Variants in TRDN observed in about 807,000 individuals in gnomAD.
TRDN encodes triadin in skeletal muscle.
A neutral mutation model predicts 149.7 loss-of-function variants in TRDN; 161 were observed. The observed-to-expected ratio is 1.08, with a 90% CI of 0.95 to 1.23. The LOEUF is 1.23. Ranked by LOEUF, TRDN falls within the 50% of genes most tolerant of loss-of-function variation. TRDN has a pLI of 0.00. For missense variants in TRDN, 896 were observed against 823.5 expected (o/e 1.09, Z -1.08); for synonymous variants, 294 against 250.5 (o/e 1.17, Z -1.64).
intron 7 of TRDN, among the ~76,000 whole-genome samples, chr6:123,511,253 AT>A (rs1779171120): frequency 6.6e-6 from 1 of 152,136 alleles, no homozygotes; most frequent in Non-Finnish European, 1.5e-5. Context: ...AATATATGTT[AT>A]TGGTGCTCAG....
At chr6:123,511,243 AAT>A (rs1483453789) in intron 7 of TRDN, among the ~76,000 whole-genome samples, 3 of 152,166 alleles carry the variant, frequency 2.0e-5, no homozygotes, top group African/African-American at 4.8e-5. Flanking sequence ...TCCTTTCCTC[AAT>A]ATATGTTATT....
At chr6:123,521,671 C>T (rs951934883) in intron 5 of TRDN, among the ~76,000 whole-genome samples, 3 of 152,032 alleles carry the variant, frequency 2.0e-5, no homozygotes, top group Admixed American at 6.6e-5. Context: ...AGCCCTTGAA[C>T]CAAGTTCCCA....
At chr6:123,424,471 G>T (rs1238115632) in intron 12 of TRDN, among the ~76,000 whole-genome samples, 1 of 151,796 alleles carries the variant, frequency 6.6e-6, no homozygotes, top group East Asian at 1.9e-4. Flanking sequence ...GCATCAATTA[G>T]CTTTCTGTCT....
intron 7 of TRDN, among the ~76,000 whole-genome samples, chr6:123,510,642 CTTT>C (rs145396385): frequency 0.013 from 1,752 of 138,444 alleles, 16 homozygotes; most frequent in African/African-American, 0.032. Flanking sequence ...TGCATGACCA[CTTT>C]TTTTTTTTTT....
chr6:123,413,991 A>T (rs1394234112), intron 12 of TRDN, among the ~76,000 whole-genome samples: 1 of 152,114 alleles, frequency 6.6e-6, no homozygotes, highest in Non-Finnish European at 1.5e-5. Context: ...TTTCTCTTGC[A>T]TTCAGCCCAT....
intron 16 of TRDN, among the ~76,000 whole-genome samples, chr6:123,379,420 T>C (rs1781630560): frequency 6.6e-6 from 1 of 152,182 alleles, no homozygotes; most frequent in Non-Finnish European, 1.5e-5. Flanking sequence ...AATGAGAACA[T>C]TATCAAATGT....
chr6:123,441,567 A>G (rs760043134), intron 10 of TRDN, among the ~76,000 whole-genome samples: 3 of 152,138 alleles, frequency 2.0e-5, no homozygotes, highest in Non-Finnish European at 1.5e-5. Context: ...CTTCCCTACA[A>G]TGAGCAGCTC....
At chr6:123,556,642 C>G (rs1583237843) in intron 2 of TRDN, among the ~76,000 whole-genome samples, 1 of 151,730 alleles carries the variant, frequency 6.6e-6, no homozygotes, top group Middle Eastern at 3.4e-3. Flanking sequence ...TCTTCCTCTT[C>G]TTCTTCTTCC....
chr6:123,392,022 A>ATT, intron 13 of TRDN, among the ~76,000 whole-genome samples: 1 of 152,194 alleles, frequency 6.6e-6, no homozygotes, highest in South Asian at 2.1e-4. Flanking sequence ...GTGTCCCTGC[A>ATT]TTGGTGTGTC....
intron 2 of TRDN, among the ~76,000 whole-genome samples, chr6:123,564,537 G>A (rs753282203): frequency 6.0e-4 from 91 of 152,170 alleles, no homozygotes; most frequent in Admixed American, 1.0e-3. Context: ...TGGGCTAAGC[G>A]CCAAGAAAAG....
At chr6:123,335,278 A>G (rs1248502454) in intron 22 of TRDN, among the ~76,000 whole-genome samples, 2 of 151,868 alleles carry the variant, frequency 1.3e-5, no homozygotes, top group African/African-American at 4.8e-5. Context: ...ATCATCCTAA[A>G]TCAATAATCA....
intron 8 of TRDN, among the ~76,000 whole-genome samples, chr6:123,499,058 T>G (rs949823713): frequency 6.6e-6 from 1 of 152,210 alleles, no homozygotes; most frequent in Non-Finnish European, 1.5e-5. Flanking sequence ...CTAATTAGAC[T>G]GCATTTACAG....
At chr6:123,516,250 T>G (rs375863034) in intron 5 of TRDN, 44 bp from the exon 6 acceptor site, 115 of 1,427,812 alleles carry the variant, frequency 8.1e-5, no homozygotes, top group Non-Finnish European at 1.0e-4. Context: ...ATAACAGGAA[T>G]AAATGAGGAG....
intron 5 of TRDN, among the ~76,000 whole-genome samples, chr6:123,527,060 C>T (rs968326165): frequency 6.6e-6 from 1 of 151,876 alleles, no homozygotes; most frequent in Non-Finnish European, 1.5e-5. Flanking sequence ...AATTATCTTG[C>T]CCAAGGACAC....
At chr6:123,273,943 A>G (rs1331961508) in intron 27 of TRDN, among the ~76,000 whole-genome samples, 3 of 152,076 alleles carry the variant, frequency 2.0e-5, no homozygotes, top group African/African-American at 7.2e-5. Flanking sequence ...TTTTAGGTCA[A>G]TGCTACCTTC....
chr6:123,595,270 C>A (rs535701005), intron 1 of TRDN, among the ~76,000 whole-genome samples: 79 of 152,176 alleles, frequency 5.2e-4, no homozygotes, highest in Non-Finnish European at 6.9e-4. Context: ...AAGTCTTTTA[C>A]AAACCTCATC....
chr6:123,559,879 C>T (rs1781886856), intron 2 of TRDN, among the ~76,000 whole-genome samples: 2 of 152,312 alleles, frequency 1.3e-5, no homozygotes, highest in South Asian at 4.1e-4. Context: ...GGATCTCAAA[C>T]ATGCTTTCTT....
At chr6:123,506,867 C>A (rs1019892097) in intron 7 of TRDN, among the ~76,000 whole-genome samples, 6 of 152,076 alleles carry the variant, frequency 3.9e-5, no homozygotes, top group Admixed American at 3.9e-4. Context: ...TTAAATTATA[C>A]ATTTTATTCT....
chr6:123,327,921 A>G (rs1779519793), intron 23 of TRDN, among the ~76,000 whole-genome samples: 1 of 152,200 alleles, frequency 6.6e-6, no homozygotes, highest in Non-Finnish European at 1.5e-5. Context: ...TTGTAATGCT[A>G]TATAAATGCA....
Sources: allele counts gnomAD v4.1 joint callset (sites outside exome capture counted in the v4.1 genomes callset), GRCh38; gene constraint gnomAD v4.1.1; transcripts MANE v1.5; gene names NCBI Gene and HGNC (gene_info 2026-07-23, HGNC 2026-07-21).